Variants in THSD4 observed in about 807,000 individuals in gnomAD.
THSD4 encodes the protein thrombospondin type 1 domain containing 4.
A neutral mutation model predicts 119.0 loss-of-function variants in THSD4; 69 were observed. That is an observed-to-expected ratio of 0.58 (90% CI 0.48 to 0.71). The LOEUF is 0.71. Among genes scored for constraint, THSD4 ranks in the 30% least tolerant of loss-of-function variants. The pLI is 0.00. For missense variants in THSD4, 1,393 were observed against 1,391.1 expected, an observed-to-expected ratio of 1.00 and a Z score of -0.02; for synonymous variants, 524 against 540.4, an observed-to-expected ratio of 0.97 and a Z score of 0.42.
At chr15:71,565,254 C>T (rs931986898) in intron 7 of THSD4, among the ~76,000 whole-genome samples, 1 of 152,154 alleles carries the variant, frequency 6.6e-6, no homozygotes, top group African/African-American at 2.4e-5. Context: ...GCTCAGCCTG[C>T]CAGGATCACA....
At chr15:71,121,348 G>T (rs2040407498) in intron 1 of THSD4, among the ~76,000 whole-genome samples, 1 of 151,738 alleles carries the variant, frequency 6.6e-6, no homozygotes, top group Non-Finnish European at 1.5e-5. Flanking sequence ...AGTGCCACTT[G>T]AATGTTAGCT....
At chr15:71,565,724 T>C (rs988340288) in intron 7 of THSD4, among the ~76,000 whole-genome samples, 4 of 152,170 alleles carry the variant, frequency 2.6e-5, no homozygotes, top group African/African-American at 9.7e-5. Context: ...AGGGAAGGAT[T>C]AACAGGCAGA....
intron 5 of THSD4, among the ~76,000 whole-genome samples, chr15:71,244,827 A>G (rs1185641668): frequency 6.6e-6 from 1 of 152,240 alleles, no homozygotes; most frequent in African/African-American, 2.4e-5. Context: ...TTCATTTGTA[A>G]TATACAACAT....
intron 15 of THSD4, among the ~76,000 whole-genome samples, chr15:71,763,520 G>C (rs993667813): frequency 1.3e-5 from 2 of 151,702 alleles, no homozygotes; most frequent in Non-Finnish European, 2.9e-5. Flanking sequence ...AGACCAGCCT[G>C]GGCAATATAA....
intron 7 of THSD4, among the ~76,000 whole-genome samples, chr15:71,613,409 C>T (rs1297745564): frequency 2.0e-5 from 3 of 152,104 alleles, no homozygotes; most frequent in Non-Finnish European, 4.4e-5. Flanking sequence ...AGATTCAGAA[C>T]CACTTTACGA....
intron 5 of THSD4, among the ~76,000 whole-genome samples, chr15:71,249,726 T>A (rs2044241251): frequency 6.6e-6 from 1 of 152,244 alleles, no homozygotes; most frequent in African/African-American, 2.4e-5. Context: ...TATATCCTTG[T>A]CTGTCTCTCA....
chr15:71,667,562 T>G (rs556180587), intron 8 of THSD4, among the ~76,000 whole-genome samples: 4 of 152,360 alleles, frequency 2.6e-5, no homozygotes, highest in African/African-American at 9.6e-5. Flanking sequence ...CTTTTAAGCA[T>G]GTTCTCCTAA....
chr15:71,276,600 A>G (rs987002118), intron 6 of THSD4, among the ~76,000 whole-genome samples: 3 of 152,158 alleles, frequency 2.0e-5, no homozygotes, highest in Non-Finnish European at 4.4e-5. Context: ...CAATCTTTCC[A>G]ATCATGGTTA....
At chr15:71,219,686 G>A (rs538092701) in intron 4 of THSD4, among the ~76,000 whole-genome samples, 51 of 152,302 alleles carry the variant, frequency 3.3e-4, no homozygotes, top group South Asian at 8.3e-4. Flanking sequence ...TCCTGTGCAG[G>A]CATTCTTTCA....
chr15:71,598,740 C>G (rs2049952300), intron 7 of THSD4, among the ~76,000 whole-genome samples: 1 of 152,132 alleles, frequency 6.6e-6, no homozygotes, highest in African/African-American at 2.4e-5. Flanking sequence ...GCCACAGCCT[C>G]CCTACTAGCT....
chr15:71,690,294 GC>G (rs1412842262), intron 8 of THSD4, among the ~76,000 whole-genome samples: 1 of 152,164 alleles, frequency 6.6e-6, no homozygotes, highest in Admixed American at 6.5e-5. Flanking sequence ...AATCACAAAA[GC>G]CCAGAATCCT....
At chr15:71,754,333 A>G (rs12148063) in intron 14 of THSD4, among the ~76,000 whole-genome samples, 51,676 of 151,862 alleles carry the variant, frequency 0.34, 10,197 homozygotes, top group Non-Finnish European at 0.45. Flanking sequence ...CAGGTGATCC[A>G]CCTGCCTCAG....
intron 7 of THSD4, among the ~76,000 whole-genome samples, chr15:71,562,878 A>G (rs1045907789): frequency 1.3e-5 from 2 of 151,676 alleles, no homozygotes; most frequent in African/African-American, 2.4e-5. Flanking sequence ...AATTTTTTGT[A>G]TTTTTAGTAG....
Position 71,298,330 on chromosome 15 carries a change from A to C in THSD4, c.1015+41615A>C, listed in dbSNP as rs2044894145. ...CTTACAATAACACCACACTGTCTTC[A>C]TTACTGTAGCTTTGTAGCACATTTT... On this transcript the variant is annotated intron_variant, in intron 6 of 17. Transcript: ENST00000261862. 2.6e-5 allele frequency among the ~76,000 whole-genome samples: 4 copies of C among 152,128 alleles called. No homozygotes were observed. In the South Asian group the frequency reaches 6.2e-4, roughly 24 times the overall value.
At position 71,522,998 on chromosome 15, in the gene THSD4, G is replaced by T. The variant is rs369000033; in HGVS notation, c.1152+111175G>T. 1.8e-4 allele frequency among the ~76,000 whole-genome samples: 28 copies of T among 152,260 alleles called. No individual in the cohort carries two copies. In the East Asian group the frequency reaches 2.5e-3, roughly 14 times the overall value. ...ACACACATGTGCCCACCACAGTGAG[G>T]GTCCTGCTTGGTTATCTGGCATGTT... On this transcript the variant is annotated intron_variant, in intron 7 of 17. Transcript: ENST00000261862.
chr15:71,458,547 A>G (rs976174617), intron 7 of THSD4, among the ~76,000 whole-genome samples: 2 of 152,216 alleles, frequency 1.3e-5, no homozygotes, highest in African/African-American at 2.4e-5. Context: ...ATAAATGTTC[A>G]CTGACTTCCA....
intron 8 of THSD4, among the ~76,000 whole-genome samples, chr15:71,668,371 CA>C (rs2051457182): frequency 6.6e-6 from 1 of 152,110 alleles, no homozygotes; most frequent in Non-Finnish European, 1.5e-5. Context: ...GAGGAAATCA[CA>C]GCCCAGGTGT....
In THSD4 at chr15:71,748,454, C is replaced by T. The variant is rs769871112; in HGVS notation, c.2275C>T (p.Arg759Cys). 3.1e-6 allele frequency: 5 copies of T among 1,614,070 alleles called. No homozygotes were observed. Among genetic ancestry groups the T allele is most frequent in the African/African-American group, 2.7e-5 (2 of 75,018 alleles). ...GCCCTGCGGCGTGGGACAGAGGACC[C>T]GTGATGTGAAGTGTGTGAGCAACAT... is the stretch of plus-strand genomic sequence containing the variant. Reference protein sequence around the residue: ...SVPCGVGQRTRDVKCVSNIGD... With the variant: ...SVPCGVGQRTCDVKCVSNIGD... The change falls in exon 14 of 18, where the codon CGT becomes TGT. Residue 759 changes from arginine (R) to cysteine (C), a missense_variant. Coordinates refer to ENST00000261862, the MANE Select transcript of THSD4 (RefSeq NM_024817.3).
At chr15:71,709,703 G>C (rs1370974488) in intron 8 of THSD4, among the ~76,000 whole-genome samples, 2 of 152,132 alleles carry the variant, frequency 1.3e-5, no homozygotes, top group African/African-American at 2.4e-5. Flanking sequence ...AAGAGCACTG[G>C]GTGGACACAT....
Sources: allele counts gnomAD v4.1 joint callset (sites outside exome capture counted in the v4.1 genomes callset), GRCh38; gene constraint gnomAD v4.1.1; transcripts MANE v1.5; gene names NCBI Gene and HGNC (gene_info 2026-07-23, HGNC 2026-07-21).